ABCA13: variants seen among roughly 807,000 people sequenced by gnomAD.
The protein encoded by ABCA13 is ATP binding cassette subfamily A member 13, also known as ATP-binding cassette sub-family A member 13.
In ABCA13, 476 loss-of-function variants were observed where a neutral mutation model predicts 478.7. The observed-to-expected ratio is 0.99, with a 90% confidence interval of 0.92 to 1.07. The LOEUF is 1.07. Among genes scored for constraint, ABCA13 ranks in the 50% least tolerant of loss-of-function variants. The pLI is 0.00. For missense variants in ABCA13, 6,060 were observed against 5,910.6 expected, an observed-to-expected ratio of 1.03 and a Z score of -0.83; for synonymous variants, 2,252 against 2,158.9, an observed-to-expected ratio of 1.04 and a Z score of -1.20.
intron 1 of ABCA13, among the ~76,000 whole-genome samples, chr7:48,188,305 T>TC (rs1263501633): frequency 6.6e-6 from 1 of 152,232 alleles, no homozygotes; most frequent in East Asian, 1.9e-4. Context: ...CTCTATGTAG[T>TC]CCTGGAGGTT....
chr7:48,454,289 A>G (rs1235255609), intron 42 of ABCA13, among the ~76,000 whole-genome samples: 1 of 152,174 alleles, frequency 6.6e-6, no homozygotes, highest in East Asian at 1.9e-4. Flanking sequence ...TGGACAGAAA[A>G]GCTGCTCTCC....
chr7:48,364,674 T>C (rs1811398769), intron 31 of ABCA13, among the ~76,000 whole-genome samples: 1 of 152,188 alleles, frequency 6.6e-6, no homozygotes, highest in African/African-American at 2.4e-5. Context: ...TGTCTTTCTG[T>C]GTCTGGCTTA....
chr7:48,358,728 G>T (rs1430953060), intron 31 of ABCA13, among the ~76,000 whole-genome samples: 5 of 152,110 alleles, frequency 3.3e-5, no homozygotes, highest in African/African-American at 1.2e-4. Context: ...CTAATAAGGG[G>T]CGAAAAGGGA....
chr7:48,544,172 A>G (rs1014305859), intron 55 of ABCA13, among the ~76,000 whole-genome samples: 1 of 151,718 alleles, frequency 6.6e-6, no homozygotes, highest in Admixed American at 6.6e-5. Context: ...ATTAGTACCT[A>G]TCTGAGGTCA....
At chr7:48,361,956 C>T (rs1241662726) in intron 31 of ABCA13, among the ~76,000 whole-genome samples, 1 of 151,932 alleles carries the variant, frequency 6.6e-6, no homozygotes, top group Non-Finnish European at 1.5e-5. Flanking sequence ...ACAAAAATTG[C>T]ATTATATACT....
At position 48,628,178 on chromosome 7, in the gene ABCA13, G is replaced by A. The variant is rs185731737; in HGVS notation, c.14837+12801G>A. On this transcript the variant is annotated intron_variant, in intron 59 of 61. Coordinates refer to ENST00000435803, the MANE Select transcript of ABCA13 (RefSeq NM_152701.5). Reference sequence around the variant, plus strand: ...GCTCTACTGTCCCCTCTTCAGAGAGGTCTCCAGCATCGATTGTAATTATTC... The same window carrying A: ...GCTCTACTGTCCCCTCTTCAGAGAGATCTCCAGCATCGATTGTAATTATTC... Among the ~76,000 whole-genome samples, 3 of 152,230 alleles carry A rather than the reference G, an allele frequency of 2.0e-5. No homozygotes were observed. In the East Asian group the frequency reaches 5.8e-4, roughly 29 times the overall value.
At chr7:48,351,743 G>A (rs1325499053) in intron 30 of ABCA13, among the ~76,000 whole-genome samples, 1 of 152,172 alleles carries the variant, frequency 6.6e-6, no homozygotes, top group Non-Finnish European at 1.5e-5. Context: ...CGATTTAGCT[G>A]TGATAGGCTT....
intron 39 of ABCA13, among the ~76,000 whole-genome samples, chr7:48,406,962 A>T (rs898177126): frequency 1.9e-4 from 29 of 152,210 alleles, no homozygotes; most frequent in African/African-American, 6.7e-4. Context: ...GAATTTCCTT[A>T]ACAGCCACTA....
rs140281153 is a variant in ABCA13, at chr7:48,624,507, G to A, written c.14837+9130G>A. Among the ~76,000 whole-genome samples, 766 of 149,416 alleles carry A rather than the reference G, an allele frequency of 5.1e-3. 3 individuals are homozygous for A. The highest frequency in any genetic ancestry group is 0.018 in the African/African-American group (728 of 40,190). ...CAATTTATGATTTTGGGGTGAGGGA[G>A]GATAAAGGCTGTGTATTTTGTTGTC... On this transcript the variant is annotated intron_variant, in intron 59 of 61. Transcript: ENST00000435803.
chr7:48,600,913 T>C (rs1353422742), intron 58 of ABCA13, among the ~76,000 whole-genome samples: 3 of 152,202 alleles, frequency 2.0e-5, no homozygotes, highest in Non-Finnish European at 2.9e-5. Flanking sequence ...TCAAATACTT[T>C]TTCTGGTCCT....
intron 58 of ABCA13, among the ~76,000 whole-genome samples, chr7:48,606,000 A>G (rs773720745): frequency 6.6e-6 from 1 of 152,176 alleles, no homozygotes; most frequent in South Asian, 2.1e-4. Flanking sequence ...CACTTGATCA[A>G]TTCAGCTAGT....
chr7:48,497,751 TAAGTGAGTGGGGG>T (rs977439684), intron 48 of ABCA13, among the ~76,000 whole-genome samples: 2 of 147,656 alleles, frequency 1.4e-5, no homozygotes, highest in African/African-American at 2.6e-5. Context: ...TCATTGTCTC[TAAGTGAGTGGGGG>T]AGTAGAGTCT....
chr7:48,485,298 T>C (rs544590517), intron 47 of ABCA13, among the ~76,000 whole-genome samples: 18 of 152,278 alleles, frequency 1.2e-4, no homozygotes, highest in African/African-American at 3.4e-4. Flanking sequence ...AAGGTCTGTT[T>C]TGAGGTGTCA....
At chr7:48,312,298 C>T (rs981879416) in intron 24 of ABCA13, among the ~76,000 whole-genome samples, 2 of 152,156 alleles carry the variant, frequency 1.3e-5, no homozygotes, top group African/African-American at 2.4e-5. Context: ...CTGCTCTGTG[C>T]GAAGAGCTGG....
intron 9 of ABCA13, among the ~76,000 whole-genome samples, chr7:48,240,419 C>T (rs6975324): frequency 0.54 from 81,839 of 152,036 alleles, 22,334 homozygotes; most frequent in East Asian, 0.82. Context: ...ATGTTGATGA[C>T]AAACCACAGT....
chr7:48,338,464 GC>G lies in ABCA13; in HGVS notation c.10204+10del. 6.3e-7 allele frequency: 1 copy of G among 1,577,686 alleles called. No homozygotes were observed. The highest frequency in any genetic ancestry group is 8.6e-7 in the Non-Finnish European group (1 of 1,160,354). ...AAAACTCCAGACATACGGTAAGTGT[GC>G]TGATGGGCATGGTAGTGTTCTTCTG... On this transcript the variant is annotated intron_variant, in intron 29 of 61. Transcript: ENST00000435803.
At chr7:48,470,808 G>A (rs1231351996) in intron 44 of ABCA13, among the ~76,000 whole-genome samples, 2 of 152,162 alleles carry the variant, frequency 1.3e-5, no homozygotes, top group Non-Finnish European at 2.9e-5. Context: ...CTGAAAAGCA[G>A]GGCTAGTAAG....
At chr7:48,325,759 G>A (rs554366383) in intron 27 of ABCA13, among the ~76,000 whole-genome samples, 18 of 152,240 alleles carry the variant, frequency 1.2e-4, no homozygotes, top group African/African-American at 2.6e-4. Flanking sequence ...CAGCAATGGC[G>A]GATACAGGGA....
At chr7:48,485,972 C>T (rs1288054459) in intron 47 of ABCA13, among the ~76,000 whole-genome samples, 1 of 152,136 alleles carries the variant, frequency 6.6e-6, no homozygotes, top group Non-Finnish European at 1.5e-5. Context: ...TAGCTCTCAG[C>T]CTGCTTCCTG....
Sources: gnomAD v4.1 joint callset for allele counts (sites outside exome capture counted in the v4.1 genomes callset) on GRCh38, gnomAD v4.1.1 for gene constraint, MANE v1.5 for transcripts, NCBI Gene and HGNC (gene_info 2026-07-23, HGNC 2026-07-21) for gene names.